Variants in ARHGEF28 observed in about 807,000 individuals in gnomAD.
ARHGEF28 encodes Rho guanine nucleotide exchange factor 28, also known as 190 kDa guanine nucleotide exchange factor.
Under a neutral mutation model 206.6 loss-of-function variants are expected in ARHGEF28, and 152 were observed. The ratio of observed to expected loss-of-function variants is 0.74; its 90% CI spans 0.64 to 0.84. ARHGEF28 has a LOEUF of 0.84. Among genes scored for constraint, ARHGEF28 ranks in the 40% least tolerant of loss-of-function variants. ARHGEF28 has a pLI of 0.00. For missense variants in ARHGEF28, 2,028 were observed against 2,073.2 expected, an observed-to-expected ratio of 0.98 and a Z score of 0.42; for synonymous variants, 763 against 776.4, an observed-to-expected ratio of 0.98 and a Z score of 0.29.
intron 9 of ARHGEF28, among the ~76,000 whole-genome samples, chr5:73,803,757 C>G (rs78728763): frequency 0.054 from 8,155 of 152,170 alleles, 293 homozygotes; most frequent in African/African-American, 0.096. Context: ...TCTGTTGATT[C>G]TTCATAATAT....
chr5:73,661,082 G>T (rs977398545), intron 1 of ARHGEF28, among the ~76,000 whole-genome samples: 1 of 152,192 alleles, frequency 6.6e-6, no homozygotes, highest in Non-Finnish European at 1.5e-5. Flanking sequence ...AAAAAAGGTT[G>T]TTTTGTCCAC....
intron 1 of ARHGEF28, among the ~76,000 whole-genome samples, chr5:73,667,473 C>T (rs529676069): frequency 5.9e-5 from 9 of 152,286 alleles, no homozygotes; most frequent in African/African-American, 2.2e-4. Context: ...TTTCCTTCTC[C>T]CAGGACTTGG....
At chr5:73,826,796 C>G (rs72772505) in intron 9 of ARHGEF28, among the ~76,000 whole-genome samples, 3,945 of 152,258 alleles carry the variant, frequency 0.026, 90 homozygotes, top group Non-Finnish European at 0.038. Flanking sequence ...ATTGTCTCCC[C>G]TGTGTCACCT....
intron 25 of ARHGEF28, among the ~76,000 whole-genome samples, chr5:73,886,359 A>G (rs1373334767): frequency 6.6e-6 from 1 of 152,238 alleles, no homozygotes; most frequent in Non-Finnish European, 1.5e-5. Flanking sequence ...CTGAAATCAA[A>G]TGAACTGAGA....
chr5:73,770,415 A>T (rs1019270469), intron 4 of ARHGEF28, among the ~76,000 whole-genome samples: 1 of 152,204 alleles, frequency 6.6e-6, no homozygotes, highest in Non-Finnish European at 1.5e-5. Flanking sequence ...TCATGCTCTC[A>T]TGATGTTATA....
At chr5:73,650,805 T>A (rs1561309079) in intron 1 of ARHGEF28, among the ~76,000 whole-genome samples, 1 of 151,976 alleles carries the variant, frequency 6.6e-6, no homozygotes. Context: ...TGTGCCACCA[T>A]GCCCAGCTCG....
chr5:73,895,627 A>T (rs1761919296), intron 29 of ARHGEF28, among the ~76,000 whole-genome samples: 1 of 152,108 alleles, frequency 6.6e-6, no homozygotes, highest in African/African-American at 2.4e-5. Flanking sequence ...GTACAGAAGA[A>T]GGGCTGGTAA....
intron 1 of ARHGEF28, among the ~76,000 whole-genome samples, chr5:73,670,992 C>G (rs1156790529): frequency 6.6e-6 from 1 of 151,736 alleles, no homozygotes; most frequent in Non-Finnish European, 1.5e-5. Flanking sequence ...GCATTCTTAG[C>G]CTTTTTTTTT....
intron 2 of ARHGEF28, among the ~76,000 whole-genome samples, chr5:73,694,868 G>C (rs1238035571): frequency 6.6e-6 from 1 of 152,252 alleles, no homozygotes; most frequent in Non-Finnish European, 1.5e-5. Flanking sequence ...GAGAAACAAG[G>C]TCTCACGTCC....
intron 23 of ARHGEF28, among the ~76,000 whole-genome samples, chr5:73,883,278 A>G (rs891164781): frequency 1.3e-5 from 2 of 152,090 alleles, no homozygotes; most frequent in Non-Finnish European, 2.9e-5. Context: ...TCCCTTTTTT[A>G]CCACATAAAT....
intron 9 of ARHGEF28, among the ~76,000 whole-genome samples, chr5:73,804,896 C>A (rs77665124): frequency 0.053 from 8,141 of 152,240 alleles, 288 homozygotes; most frequent in African/African-American, 0.096. Flanking sequence ...TCCTCACCTG[C>A]CTTTCCACAC....
intron 35 of ARHGEF28, among the ~76,000 whole-genome samples, chr5:73,927,191 TC>T (rs1453536219): frequency 1.3e-5 from 2 of 148,750 alleles, no homozygotes; most frequent in African/African-American, 5.1e-5. Context: ...CGAGAGCCCA[TC>T]ACTAAAAAAA....
At chr5:73,698,122 A>G (rs1167200386) in intron 2 of ARHGEF28, among the ~76,000 whole-genome samples, 3 of 152,206 alleles carry the variant, frequency 2.0e-5, no homozygotes, top group Non-Finnish European at 4.4e-5. Context: ...GGCAAATTCC[A>G]TAAACGTAAC....
intron 34 of ARHGEF28, among the ~76,000 whole-genome samples, chr5:73,910,130 C>T (rs554092814): frequency 6.6e-6 from 1 of 152,004 alleles, no homozygotes; most frequent in South Asian, 2.1e-4. Flanking sequence ...CCTGTAATCC[C>T]AGAACTTTGG....
At chr5:73,751,872 G>A (rs1752034304) in intron 3 of ARHGEF28, among the ~76,000 whole-genome samples, 1 of 151,480 alleles carries the variant, frequency 6.6e-6, no homozygotes, top group Non-Finnish European at 1.5e-5. Flanking sequence ...GTAGTCTGGT[G>A]GGAGGTGGGT....
chr5:73,852,734 C>G, intron 14 of ARHGEF28, 42 bp downstream of exon 14: 1 of 1,593,820 alleles, frequency 6.3e-7, no homozygotes, highest in Non-Finnish European at 8.6e-7. Context: ...ACTGCATGAT[C>G]CTTCTTTGGA....
At chr5:73,798,754 G>C (rs189617894) in intron 9 of ARHGEF28, among the ~76,000 whole-genome samples, 248 of 152,248 alleles carry the variant, frequency 1.6e-3, no homozygotes, top group Middle Eastern at 3.4e-3. Flanking sequence ...AGAAAAAAAG[G>C]GTCTACTTGG....
intron 9 of ARHGEF28, among the ~76,000 whole-genome samples, chr5:73,831,077 C>A (rs1226622218): frequency 2.6e-5 from 4 of 152,182 alleles, no homozygotes; most frequent in African/African-American, 9.7e-5. Flanking sequence ...TAACCTTGCA[C>A]TTCACACTGA....
intron 9 of ARHGEF28, among the ~76,000 whole-genome samples, chr5:73,814,109 G>A (rs1242010120): frequency 6.6e-6 from 1 of 151,780 alleles, no homozygotes; most frequent in Non-Finnish European, 1.5e-5. Context: ...CAAGTGTATA[G>A]TAATTTAAAA....
Sources: allele counts gnomAD v4.1 joint callset (sites outside exome capture counted in the v4.1 genomes callset), GRCh38; gene constraint gnomAD v4.1.1; transcripts MANE v1.5; gene names NCBI Gene and HGNC (gene_info 2026-07-23, HGNC 2026-07-21).